The following SLIT2 variants were observed in gnomAD, a reference collection of about 807,000 sequenced individuals.
SLIT2 encodes the protein slit homolog 2 protein.
In SLIT2, 41 loss-of-function variants were observed where a neutral mutation model predicts 185.7. The ratio of observed to expected loss-of-function variants is 0.22; its 90% CI spans 0.17 to 0.29. The LOEUF (loss-of-function observed/expected upper bound fraction) is 0.29. SLIT2 is among the 10% of genes least tolerant of loss of function. The probability of loss-of-function intolerance (pLI) is 1.00; values close to 1 mark genes in which losing one functional copy is unlikely to be tolerated. For synonymous variants in SLIT2, 693 were observed against 680.2 expected, an observed-to-expected ratio of 1.02 and a Z score of -0.29; for missense variants, 1,571 against 1,909.0, an observed-to-expected ratio of 0.82 and a Z score of 3.30.
chr4:20,408,689 C>T (rs958865584), intron 4 of SLIT2, among the ~76,000 whole-genome samples: 11 of 152,230 alleles, frequency 7.2e-5, no homozygotes, highest in African/African-American at 2.4e-4. Context: ...CAGCTTCTAT[C>T]GCTCTAATAG....
intron 12 of SLIT2, among the ~76,000 whole-genome samples, chr4:20,520,033 C>CAAAA (rs34644308): frequency 6.3e-4 from 43 of 68,332 alleles, no homozygotes; most frequent in Admixed American, 1.2e-3. Flanking sequence ...GACTCCGTCT[C>CAAAA]AAAAAAAAAA....
chr4:20,307,225 A>C (rs1431326486), intron 4 of SLIT2, among the ~76,000 whole-genome samples: 61 of 26,364 alleles, frequency 2.3e-3, no homozygotes, highest in South Asian at 3.9e-3. Flanking sequence ...CACCCCCTCT[A>C]TTTCTTTTCC....
intron 4 of SLIT2, among the ~76,000 whole-genome samples, chr4:20,362,937 T>A (rs187531361): frequency 0.013 from 1,968 of 151,556 alleles, 21 homozygotes; most frequent in African/African-American, 0.02. Flanking sequence ...TTTTTTTTTT[T>A]AAAAAAGGGA....
At chr4:20,463,544 T>C (rs566186186) in intron 4 of SLIT2, among the ~76,000 whole-genome samples, 79 of 143,970 alleles carry the variant, frequency 5.5e-4, no homozygotes, top group Non-Finnish European at 8.6e-4. Flanking sequence ...TGTGTGTGTG[T>C]GTATATGTAT....
At chr4:20,292,581 A>C (rs2109085551) in intron 4 of SLIT2, among the ~76,000 whole-genome samples, 1 of 152,262 alleles carries the variant, frequency 6.6e-6, no homozygotes, top group South Asian at 2.1e-4. Flanking sequence ...TGTTTATGGA[A>C]ATTTTTTAGT....
At chr4:20,472,591 T>G (rs1211523084) in intron 5 of SLIT2, among the ~76,000 whole-genome samples, 406 of 14,972 alleles carry the variant, frequency 0.027, 136 homozygotes, top group African/African-American at 0.049. Flanking sequence ...TATATATAGA[T>G]ATATATCTAT....
chr4:20,279,278 A>G (rs1371553985), intron 4 of SLIT2, among the ~76,000 whole-genome samples: 4 of 152,170 alleles, frequency 2.6e-5, no homozygotes, highest in African/African-American at 9.7e-5. Context: ...GGCTTTGATG[A>G]CCCACCATAA....
intron 4 of SLIT2, among the ~76,000 whole-genome samples, chr4:20,384,547 C>G (rs1247318218): frequency 6.6e-6 from 1 of 152,120 alleles, no homozygotes; most frequent in Non-Finnish European, 1.5e-5. Flanking sequence ...TATCTTCAGA[C>G]AAATCCTAAC....
chr4:20,589,899 A>ATT (rs1727364507), intron 30 of SLIT2, among the ~76,000 whole-genome samples, 162 bp downstream of exon 30: 3 of 127,648 alleles, frequency 2.4e-5, no homozygotes, highest in Admixed American at 7.9e-5. Context: ...TACAATATGG[A>ATT]CTTTTTTTTT....
intron 4 of SLIT2, among the ~76,000 whole-genome samples, chr4:20,305,960 A>C (rs1717507036): frequency 6.6e-6 from 1 of 151,096 alleles, no homozygotes; most frequent in African/African-American, 2.4e-5. Flanking sequence ...GGTTAGCGTT[A>C]AGTGTATGTT....
At chr4:20,385,111 A>T (rs1577548776) in intron 4 of SLIT2, among the ~76,000 whole-genome samples, 1 of 152,204 alleles carries the variant, frequency 6.6e-6, no homozygotes, top group African/African-American at 2.4e-5. Flanking sequence ...TCACTGTGAT[A>T]TAGAGGACCT....
At chr4:20,260,064 GA>G (rs1378897837) in intron 3 of SLIT2, among the ~76,000 whole-genome samples, 2 of 151,742 alleles carry the variant, frequency 1.3e-5, no homozygotes, top group African/African-American at 4.8e-5. Flanking sequence ...GTTTGCTAAG[GA>G]ATGCATTCAA....
intron 4 of SLIT2, among the ~76,000 whole-genome samples, chr4:20,278,225 T>TG (rs1221052333): frequency 4.6e-5 from 7 of 150,778 alleles, no homozygotes; most frequent in African/African-American, 1.7e-4. Context: ...AATGCTTATC[T>TG]GTTTTTTTTT....
chr4:20,374,580 A>G (rs566164725), intron 4 of SLIT2, among the ~76,000 whole-genome samples: 2 of 151,188 alleles, frequency 1.3e-5, no homozygotes, highest in East Asian at 3.9e-4. Flanking sequence ...CTCATAGCCT[A>G]CTCCTTCAAC....
chr4:20,485,409 CAAT>C (rs1022851036), intron 6 of SLIT2, among the ~76,000 whole-genome samples: 4 of 151,838 alleles, frequency 2.6e-5, no homozygotes, highest in Non-Finnish European at 5.9e-5. Context: ...TAGTAATAAT[CAAT>C]AATAATAATA....
chr4:20,489,494 A>G (rs1717582148), intron 8 of SLIT2, among the ~76,000 whole-genome samples: 1 of 152,230 alleles, frequency 6.6e-6, no homozygotes, highest in African/African-American at 2.4e-5. Flanking sequence ...AACAAAAATA[A>G]GACATAGGGT....
chr4:20,484,132 T>C lies in SLIT2; in HGVS notation c.540-2068T>C, dbSNP rs1016691927. 6.6e-6 allele frequency among the ~76,000 whole-genome samples: 1 copy of C among 152,108 alleles called. No individual in the cohort carries two copies. Among genetic ancestry groups the C allele is most frequent in the Non-Finnish European group, 1.5e-5 (1 of 67,992 alleles). On this transcript the variant is annotated intron_variant, in intron 6 of 36. Coordinates refer to ENST00000504154, the MANE Select transcript of SLIT2 (RefSeq NM_004787.4). The surrounding 1 kb of genome is among the most constrained non-coding windows in gnomAD (Gnocchi z 4.3). ...TCCTTTGCATGGAGATATAAGAAAC[T>C]ATAGTTCAAAATTAATGCATGTCTG...
rs1560225550 is a variant in SLIT2 at position 20,595,841 on chromosome 4, G to T, written c.3320+7G>T. The T allele has an allele frequency of 6.2e-7, 1 of 1,612,700 alleles. No homozygotes were observed. Among genetic ancestry groups the T allele is most frequent in the Admixed American group, 1.7e-5 (1 of 59,976 alleles). On this transcript the variant is annotated splice_region_variant and intron_variant, in intron 31 of 36. Coordinates refer to ENST00000504154, the MANE Select transcript of SLIT2 (RefSeq NM_004787.4). ...TATGCCCCGAAGGTTACAGGTAAAAGCAGAAATGAATAAGACCTAGTGTTC... is the reference window on the plus strand; with the variant it reads ...TATGCCCCGAAGGTTACAGGTAAAATCAGAAATGAATAAGACCTAGTGTTC...
intron 4 of SLIT2, among the ~76,000 whole-genome samples, chr4:20,311,386 G>T (rs1023973042): frequency 2.0e-5 from 3 of 152,158 alleles, no homozygotes; most frequent in Non-Finnish European, 4.4e-5. Context: ...ATGAAATAAT[G>T]TTGAATTTCT....
Sources: allele counts gnomAD v4.1 joint callset (sites outside exome capture counted in the v4.1 genomes callset), GRCh38; gene constraint gnomAD v4.1.1; non-coding constraint Gnocchi (gnomAD v3.1); transcripts MANE v1.5; gene names NCBI Gene and HGNC (gene_info 2026-07-23, HGNC 2026-07-21).